ASPSCR1: variants seen among roughly 807,000 people sequenced by gnomAD.
The protein encoded by ASPSCR1 is tether containing UBX domain for GLUT4.
In ASPSCR1, 55 loss-of-function variants were observed where a neutral mutation model predicts 68.9. That is an observed-to-expected ratio of 0.80 (90% CI 0.64 to 1.00). The LOEUF (loss-of-function observed/expected upper bound fraction) is 1.00. Ranked by LOEUF, ASPSCR1 falls within the 50% of genes least tolerant of loss-of-function variation. The pLI, the probability that ASPSCR1 is intolerant of heterozygous loss-of-function variation, is 0.00. For missense variants in ASPSCR1, 765 were observed against 762.2 expected (o/e 1.00, Z -0.04); for synonymous variants, 352 against 332.6 (o/e 1.06, Z -0.63).
At position 82,009,046 on chromosome 17, in the gene ASPSCR1, C is replaced by T. The variant is rs761368957; in HGVS notation, c.943C>T (p.Arg315Trp). The T allele has an allele frequency of 2.5e-5, 38 of 1,544,162 alleles. No homozygotes were observed. Among genetic ancestry groups the T allele is most frequent in the Non-Finnish European group, 2.8e-5 (32 of 1,145,048 alleles). The change falls in exon 8 of 16, where the codon CGG becomes TGG. Residue 315 changes from arginine to tryptophan, a missense_variant. Coordinates refer to ENST00000306739, the MANE Select transcript of ASPSCR1 (RefSeq NM_024083.4). ...CGCCCTCTGCCTCCAGCCCGTGGAC[C>T]GGGAGCCCGTGGACCGGGAGCCGGT... ...QEQERERPVDREPVDREPVVC... is the reference protein window; with the variant it reads ...QEQERERPVDWEPVDREPVVC...
intron 7 of ASPSCR1, among the ~76,000 whole-genome samples, chr17:81,997,051 G>T (rs901790359): frequency 1.7e-5 from 2 of 116,086 alleles, no homozygotes; most frequent in Non-Finnish European, 3.4e-5. Flanking sequence ...AGGTGGTAGA[G>T]AAAGTAGCTT....
chr17:81,993,065 C>T (rs1030658175), intron 4 of ASPSCR1, among the ~76,000 whole-genome samples: 2 of 152,136 alleles, frequency 1.3e-5, no homozygotes, highest in Non-Finnish European at 1.5e-5. Context: ...ATAAAGGCCA[C>T]GAAACAAAAG....
Position 82,009,069 on chromosome 17 carries a change from G to A in ASPSCR1, c.966G>A (p.Pro322=), listed in dbSNP as rs377436250. ...PVDREPVDRE[P]VVCHPDLEER... Reference sequence around the variant, plus strand: ...ACCGGGAGCCCGTGGACCGGGAGCCGGTGGTGTGCCACCCCGACCTGGAGG... The same window carrying A: ...ACCGGGAGCCCGTGGACCGGGAGCCAGTGGTGTGCCACCCCGACCTGGAGG... Residue 322 remains proline (P), a synonymous_variant, in exon 8 of 16, where the codon CCG becomes CCA. Transcript: ENST00000306739. The A allele has an allele frequency of 3.9e-5, 61 of 1,565,388 alleles. No individual in the cohort carries two copies. The highest frequency in any genetic ancestry group is 1.9e-4 in the African/African-American group (14 of 73,814).
In ASPSCR1 at chr17:82,009,046, C is replaced by A; in HGVS notation, c.943C>A (p.Arg315=). Residue 315 remains arginine (R), a synonymous_variant, in exon 8 of 16, where the codon CGG becomes AGG. Coordinates refer to ENST00000306739, the MANE Select transcript of ASPSCR1 (RefSeq NM_024083.4). ...QEQERERPVD[R]EPVDREPVVC... ...CGCCCTCTGCCTCCAGCCCGTGGAC[C>A]GGGAGCCCGTGGACCGGGAGCCGGT... 1 of 1,544,274 alleles carries A rather than the reference C, an allele frequency of 6.5e-7. No individual in the cohort carries two copies. The highest frequency in any genetic ancestry group is 1.2e-5 in the South Asian group (1 of 84,110).
intron 2 of ASPSCR1, among the ~76,000 whole-genome samples, chr17:81,981,560 G>T (rs1457103847): frequency 6.6e-6 from 1 of 152,242 alleles, no homozygotes; most frequent in Admixed American, 6.5e-5. Flanking sequence ...TGTATTTTTA[G>T]TAGGGACGGG....
intron 3 of ASPSCR1, among the ~76,000 whole-genome samples, chr17:81,984,643 G>A (rs191576563): frequency 6.6e-6 from 1 of 151,788 alleles, no homozygotes; most frequent in East Asian, 1.9e-4. Flanking sequence ...TCAGGAATCT[G>A]GGAGCAGCTT....
rs2041987634 is a variant in ASPSCR1, at chr17:81,986,190, G to A, written c.374+583G>A. Among the ~76,000 whole-genome samples the A allele has an allele frequency of 6.6e-6, 1 of 152,136 alleles. No individual in the cohort carries two copies. The highest frequency in any genetic ancestry group is 6.5e-5 in the Admixed American group (1 of 15,274). ...AAAGTGGCTTGCACTTTGGAAGGCC[G>A]AGGCTGGCGAATCGCTTGAGCTCAT... On this transcript the variant is annotated intron_variant, in intron 4 of 15. Coordinates refer to ENST00000306739, the MANE Select transcript of ASPSCR1 (RefSeq NM_024083.4). This position sits in a 1 kb window ranked among gnomAD's most constrained non-coding sequence, Gnocchi z 5.2.
chr17:81,993,349 G>C (rs1389465267), intron 4 of ASPSCR1, among the ~76,000 whole-genome samples: 1 of 152,150 alleles, frequency 6.6e-6, no homozygotes, highest in East Asian at 1.9e-4. Flanking sequence ...GAGTAGCTGG[G>C]ACCACAGGCG....
intron 12 of ASPSCR1, chr17:82,016,222 C>G: frequency 7.3e-6 from 4 of 549,872 alleles, no homozygotes; most frequent in South Asian, 2.5e-5. Context: ...TGAGGACCCT[C>G]GAGGCCCCAG....
intron 7 of ASPSCR1, among the ~76,000 whole-genome samples, chr17:82,001,266 T>C (rs2144060096): frequency 6.6e-6 from 1 of 152,084 alleles, no homozygotes; most frequent in East Asian, 1.9e-4. Context: ...CAGTAGGTAT[T>C]GGGCCAGGGG....
At chr17:81,978,216 G>A (rs1208576967) in intron 1 of ASPSCR1, 1 of 152,448 alleles carries the variant, frequency 6.6e-6, no homozygotes, top group African/African-American at 2.4e-5. Context: ...TTGTGACCGC[G>A]AATCAATTAA....
rs574348227 is a variant in ASPSCR1, at chr17:82,010,374, A to C, written c.1171-428A>C. Among the ~76,000 whole-genome samples the C allele has an allele frequency of 2.8e-4, 43 of 151,576 alleles. 3 individuals are homozygous for C. In the South Asian group the frequency reaches 8.6e-3, roughly 30 times the overall value. On this transcript the variant is annotated intron_variant, in intron 9 of 15. Transcript: ENST00000306739. ...GAAACCCCATCTCTACTAAAAATACAAAAAATTAGTCAGGAGAGGTGGCGC... is the reference window on the plus strand; with the variant it reads ...GAAACCCCATCTCTACTAAAAATACCAAAAATTAGTCAGGAGAGGTGGCGC...
chr17:82,001,622 G>A (rs141636229), intron 7 of ASPSCR1, among the ~76,000 whole-genome samples: 21 of 152,326 alleles, frequency 1.4e-4, no homozygotes, highest in Non-Finnish European at 2.5e-4. Flanking sequence ...GGGGCTGTGG[G>A]GAGAACTGGG....
At chr17:81,991,711 T>C (rs2144029684) in intron 4 of ASPSCR1, among the ~76,000 whole-genome samples, 1 of 152,364 alleles carries the variant, frequency 6.6e-6, no homozygotes, top group Non-Finnish European at 1.5e-5. Context: ...GCGGCTGGGC[T>C]GTCATGTGGT....
Position 81,983,419 on chromosome 17 carries a change from G to A in ASPSCR1, c.159-135G>A, listed in dbSNP as rs1459670802. 2.8e-6 allele frequency: 2 copies of A among 711,092 alleles called. No individual in the cohort carries two copies. Among genetic ancestry groups the A allele is most frequent in the Non-Finnish European group, 4.8e-6 (2 of 415,906 alleles). The allele number at this position is 711,092 out of a possible 1,614,324, so 44.0% of individuals were successfully genotyped here. ...CTGCAGGTCATGACGTCCCGCTGTT[G>A]GGGAGCTGCCACAGGACGTGGATGG... On this transcript the variant is annotated intron_variant, in intron 2 of 15. Transcript: ENST00000306739. The surrounding 1 kb of genome is among the most constrained non-coding windows in gnomAD (Gnocchi z 4.4).
Position 81,983,748 on chromosome 17 carries a change from G to A in ASPSCR1, c.273+80G>A, listed in dbSNP as rs1252170479. On this transcript the variant is annotated intron_variant, in intron 3 of 15. Coordinates refer to ENST00000306739, the MANE Select transcript of ASPSCR1 (RefSeq NM_024083.4). The surrounding 1 kb of genome is among the most constrained non-coding windows in gnomAD (Gnocchi z 4.4). ...GCCAGGGACGGGGGACGGGACAGTG[G>A]GGGGTGCTGGGGAAGGAGGGACATG... is the stretch of plus-strand genomic sequence containing the variant. The A allele has an allele frequency of 7.4e-6, 9 of 1,212,118 alleles. No individual in the cohort carries two copies. The East Asian group carries it at 1.5e-4, about 20-fold the overall frequency. 75.1% of individuals were successfully genotyped at this position (1,212,118 alleles called of 1,614,324 possible).
At chr17:82,011,490 C>T in intron 10 of ASPSCR1, 53 bp from the exon 11 acceptor site, 2 of 1,530,308 alleles carry the variant, frequency 1.3e-6, no homozygotes, top group Non-Finnish European at 1.8e-6. Flanking sequence ...CTGGGGCAGC[C>T]CGGGGCTGGC....
At chr17:82,016,696 C>T in intron 13 of ASPSCR1, 104 bp from the exon 14 acceptor site, 1 of 1,464,652 alleles carries the variant, frequency 6.8e-7, no homozygotes, top group Non-Finnish European at 9.3e-7. Flanking sequence ...CAGCCACCTG[C>T]TGGCCACCCC....
At chr17:82,014,908 G>C in intron 12 of ASPSCR1, 1 of 831,546 alleles carries the variant, frequency 1.2e-6, no homozygotes, top group South Asian at 1.8e-5. Flanking sequence ...GGGCAGGGCG[G>C]GCACCCCCAC....
Sources: gnomAD v4.1 joint callset for allele counts (sites outside exome capture counted in the v4.1 genomes callset) on GRCh38, gnomAD v4.1.1 for gene constraint, Gnocchi (gnomAD v3.1) non-coding constraint, MANE v1.5 for transcripts, NCBI Gene and HGNC (gene_info 2026-07-23, HGNC 2026-07-21) for gene names.